Variants in PDGFC observed in about 807,000 individuals in gnomAD.
The protein encoded by PDGFC is platelet-derived growth factor C.
PDGFC carries 12 observed loss-of-function variants against 35.5 expected under a neutral mutation model. That is an observed-to-expected ratio of 0.34 (90% CI 0.22 to 0.55). The LOEUF (loss-of-function observed/expected upper bound fraction) is 0.55, where lower values mean the gene tolerates loss of function less well. Ranked by LOEUF, PDGFC falls within the 20% of genes least tolerant of loss-of-function variation. PDGFC has a pLI of 0.91. For missense variants in PDGFC, 322 were observed against 412.4 expected, an observed-to-expected ratio of 0.78 and a Z score of 1.90; for synonymous variants, 159 against 148.8, an observed-to-expected ratio of 1.07 and a Z score of -0.50.
In PDGFC at chr4:156,810,923, C is replaced by T. The variant is rs774202989; in HGVS notation, c.409G>A (p.Gly137Arg). The T allele has an allele frequency of 1.2e-6, 2 of 1,603,500 alleles. No individual in the cohort carries two copies. The highest frequency in any genetic ancestry group is 8.5e-7 in the Non-Finnish European group (1 of 1,170,850). The change falls in exon 3 of 6, where the codon GGA becomes AGA. Residue 137 changes from glycine to arginine, a missense_variant. This residue lies in a region of PDGFC where 202 missense variants were observed against 295.9 expected (regional missense o/e 0.68). Transcript: ENST00000502773. ...GTVPGKQISK[G>R]NQIRIRFVSD... is the part of the protein sequence containing the mutation. ...ACAAATCTTATCCTAATTTGATTTC[C>T]TTTAGAAATCTGTTTTCCTGGTACA...
intron 1 of PDGFC, among the ~76,000 whole-genome samples, chr4:156,964,143 C>A (rs1421169084): frequency 6.6e-6 from 1 of 151,768 alleles, no homozygotes; most frequent in East Asian, 1.9e-4. Context: ...GTACTTTTAT[C>A]ATTGAGATGT....
chr4:156,889,720 G>C (rs1730458307), intron 1 of PDGFC, among the ~76,000 whole-genome samples: 1 of 152,202 alleles, frequency 6.6e-6, no homozygotes, highest in Non-Finnish European at 1.5e-5. Context: ...GAGATCTGAA[G>C]CTAACAGGCA....
chr4:156,899,055 C>T (rs921073057), intron 1 of PDGFC, among the ~76,000 whole-genome samples: 6 of 152,202 alleles, frequency 3.9e-5, no homozygotes. Context: ...TCAGGTTACA[C>T]ATATAATTAA....
At chr4:156,869,910 T>C (rs1052951694) in intron 1 of PDGFC, among the ~76,000 whole-genome samples, 3 of 152,072 alleles carry the variant, frequency 2.0e-5, no homozygotes, top group African/African-American at 7.2e-5. Flanking sequence ...ATTCTGAGTC[T>C]TTTGTATCTA....
At chr4:156,903,085 A>AAGAGAGAG (rs537862051) in intron 1 of PDGFC, among the ~76,000 whole-genome samples, 7 of 137,598 alleles carry the variant, frequency 5.1e-5, no homozygotes, top group Admixed American at 3.0e-4. Flanking sequence ...AATAAGGACA[A>AAGAGAGAG]AGAGAGAGAG....
rs1728806749 is a variant in PDGFC, at chr4:156,827,539, T to C, written c.315-16522A>G. On this transcript the variant is annotated intron_variant, in intron 2 of 5. Transcript: ENST00000502773. ...AAGAAGTAGGTGTTCAATATAAAAA[T>C]GGCTTAGACTTCAGGTTCCTCTTCA... Among the ~76,000 whole-genome samples the C allele has an allele frequency of 2.0e-5, 3 of 151,972 alleles. No homozygotes were observed. In the South Asian group the frequency reaches 6.2e-4, roughly 31 times the overall value.
At chr4:156,855,481 T>C (rs1323623527) in intron 1 of PDGFC, among the ~76,000 whole-genome samples, 1 of 152,198 alleles carries the variant, frequency 6.6e-6, no homozygotes, top group Non-Finnish European at 1.5e-5. Context: ...TCTGCTCCTC[T>C]GTTTCATGTA....
intron 3 of PDGFC, among the ~76,000 whole-genome samples, chr4:156,793,280 G>A (rs1023210787): frequency 6.6e-6 from 1 of 151,760 alleles, no homozygotes; most frequent in Non-Finnish European, 1.5e-5. Flanking sequence ...GGGACTATAA[G>A]AATTAATCTT....
Position 156,818,901 on chromosome 4 carries a change from T to C in PDGFC, c.315-7884A>G, listed in dbSNP as rs72974685. On this transcript the variant is annotated intron_variant, in intron 2 of 5. Coordinates refer to ENST00000502773, the MANE Select transcript of PDGFC (RefSeq NM_016205.3). ...TTAATTGGCCTTGTTCCAATATTCT[T>C]GTATCTCAGGGAATAAGGAGGCTCA... 4.7e-3 allele frequency among the ~76,000 whole-genome samples: 713 copies of C among 152,230 alleles called. 5 individuals carry two copies. Among genetic ancestry groups the C allele is most frequent in the African/African-American group, 0.016 (663 of 41,528 alleles).
chr4:156,897,350 ATGTGTGTGTGTGTG>A (rs70956698), intron 1 of PDGFC, among the ~76,000 whole-genome samples: 2 of 143,092 alleles, frequency 1.4e-5, no homozygotes, highest in Middle Eastern at 3.7e-3. Flanking sequence ...GTGAGAGTGT[ATGTGTGTGTGTGTG>A]TGTGTGTGTG....
intron 1 of PDGFC, among the ~76,000 whole-genome samples, chr4:156,853,120 A>C (rs1729494062): frequency 6.6e-6 from 1 of 152,222 alleles, no homozygotes; most frequent in Non-Finnish European, 1.5e-5. Context: ...AATATTAGAA[A>C]ACTAATACAC....
chr4:156,883,130 A>G (rs896201702), intron 1 of PDGFC, among the ~76,000 whole-genome samples: 18 of 151,830 alleles, frequency 1.2e-4, no homozygotes, highest in Non-Finnish European at 2.4e-4. Context: ...TCTCACTTGA[A>G]GTCAACCCTG....
At chr4:156,801,481 TA>T (rs1232648495) in intron 3 of PDGFC, among the ~76,000 whole-genome samples, 4 of 152,160 alleles carry the variant, frequency 2.6e-5, no homozygotes, top group African/African-American at 7.2e-5. Context: ...TTCTTGCATA[TA>T]AAAAGTAAAC....
At chr4:156,895,501 G>A (rs1730611826) in intron 1 of PDGFC, among the ~76,000 whole-genome samples, 1 of 151,730 alleles carries the variant, frequency 6.6e-6, no homozygotes, top group Non-Finnish European at 1.5e-5. Flanking sequence ...GTGTTGTGGT[G>A]GGTGCCTGTA....
At chr4:156,846,270 A>T (rs1441616499) in intron 2 of PDGFC, among the ~76,000 whole-genome samples, 1 of 151,826 alleles carries the variant, frequency 6.6e-6, no homozygotes, top group African/African-American at 2.4e-5. Flanking sequence ...GATAGTCATC[A>T]AACTCATGTC....
intron 1 of PDGFC, among the ~76,000 whole-genome samples, chr4:156,937,555 A>T (rs1377175718): frequency 6.6e-6 from 1 of 151,450 alleles, no homozygotes; most frequent in African/African-American, 2.5e-5. Context: ...CAAAAAATTC[A>T]TCTGGGCATG....
At chr4:156,954,167 AACATGTGCT>A (rs576619634) in intron 1 of PDGFC, among the ~76,000 whole-genome samples, 5 of 152,072 alleles carry the variant, frequency 3.3e-5, no homozygotes, top group African/African-American at 1.2e-4. Context: ...TGGCATACCG[AACATGTGCT>A]TACTGTCATG....
chr4:156,950,398 C>A (rs1437407291), intron 1 of PDGFC, among the ~76,000 whole-genome samples: 1 of 151,790 alleles, frequency 6.6e-6, no homozygotes, highest in Non-Finnish European at 1.5e-5. Context: ...TTTTTGGTCA[C>A]TTTCCCAAAC....
chr4:156,862,246 A>C (rs2911941), intron 1 of PDGFC, among the ~76,000 whole-genome samples: 13,877 of 152,226 alleles, frequency 0.091, 779 homozygotes, highest in African/African-American at 0.14. Flanking sequence ...AGCTGCACAG[A>C]AGTGTTTGAC....
Sources: allele counts gnomAD v4.1 joint callset (sites outside exome capture counted in the v4.1 genomes callset), GRCh38; gene constraint gnomAD v4.1.1; regional missense constraint gnomAD v4.1.1; transcripts MANE v1.5; gene names NCBI Gene and HGNC (gene_info 2026-07-23, HGNC 2026-07-21).